Variants in CBLB observed in about 807,000 individuals in gnomAD.
CBLB encodes the protein E3 ubiquitin-protein ligase CBL-B.
Under a neutral mutation model 104.9 loss-of-function variants are expected in CBLB, and 31 were observed. That is an observed-to-expected ratio of 0.30 (90% CI 0.22 to 0.40). CBLB has a LOEUF of 0.40. Among genes scored for constraint, CBLB ranks in the 10% least tolerant of loss-of-function variants. The pLI, the probability that CBLB is intolerant of heterozygous loss-of-function variation, is 1.00. For missense variants in CBLB, 1,062 were observed against 1,214.6 expected (o/e 0.87, Z 1.87); for synonymous variants, 440 against 422.6 (o/e 1.04, Z -0.51).
At chr3:105,702,784 A>T (rs1272380370) in intron 11 of CBLB, among the ~76,000 whole-genome samples, 1 of 152,230 alleles carries the variant, frequency 6.6e-6, no homozygotes, top group East Asian at 1.9e-4. Context: ...AGAATATGTC[A>T]ATAATTTATT....
At chr3:105,751,170 T>A (rs377054650) in intron 5 of CBLB, among the ~76,000 whole-genome samples, 26 of 152,270 alleles carry the variant, frequency 1.7e-4, no homozygotes, top group African/African-American at 6.0e-4. Flanking sequence ...AGTAAGAAAC[T>A]AAGTAGAGAG....
intron 18 of CBLB, among the ~76,000 whole-genome samples, chr3:105,667,824 A>C (rs2064641567): frequency 6.6e-6 from 1 of 152,220 alleles, no homozygotes; most frequent in Non-Finnish European, 1.5e-5. Context: ...TGAATTCATA[A>C]GGCAGAGCAA....
At chr3:105,697,128 T>C (rs1397180564) in intron 12 of CBLB, among the ~76,000 whole-genome samples, 1 of 151,990 alleles carries the variant, frequency 6.6e-6, no homozygotes, top group African/African-American at 2.4e-5. Flanking sequence ...GCTTTATTCC[T>C]CTTTGTATTC....
At chr3:105,745,041 ACCAAATTCATCC>A (rs1330616129) in intron 6 of CBLB, among the ~76,000 whole-genome samples, 2 of 152,218 alleles carry the variant, frequency 1.3e-5, no homozygotes, top group African/African-American at 4.8e-5. Context: ...AAAAACCAGC[ACCAAATTCATCC>A]CTAAAATGGA....
chr3:105,679,174 A>G (rs2152721565), intron 16 of CBLB, among the ~76,000 whole-genome samples: 1 of 152,108 alleles, frequency 6.6e-6, no homozygotes, highest in East Asian at 1.9e-4. Context: ...TAGCTACAGA[A>G]GAACAGCTAA....
chr3:105,780,824 A>G (rs1202243957), intron 3 of CBLB, among the ~76,000 whole-genome samples: 1 of 151,688 alleles, frequency 6.6e-6, no homozygotes, highest in African/African-American at 2.4e-5. Flanking sequence ...CACCATGCCC[A>G]GCTAATTTTT....
At chr3:105,766,350 C>T (rs971179955) in intron 4 of CBLB, among the ~76,000 whole-genome samples, 6 of 152,164 alleles carry the variant, frequency 3.9e-5, no homozygotes, top group Non-Finnish European at 7.4e-5. Context: ...GTTGATAAAG[C>T]AGTGGCAGGG....
intron 4 of CBLB, among the ~76,000 whole-genome samples, chr3:105,769,115 A>C (rs1560159263): frequency 6.6e-6 from 1 of 152,046 alleles, no homozygotes; most frequent in Non-Finnish European, 1.5e-5. Context: ...GGAGTTTGAG[A>C]CCAGCCTGGC....
chr3:105,803,744 C>T (rs544215006), intron 3 of CBLB, among the ~76,000 whole-genome samples: 14 of 152,290 alleles, frequency 9.2e-5, no homozygotes, highest in Non-Finnish European at 1.8e-4. Flanking sequence ...AAGCCGGGTA[C>T]ACATTCTTAA....
At chr3:105,785,984 T>C (rs1373893519) in intron 3 of CBLB, among the ~76,000 whole-genome samples, 1 of 133,108 alleles carries the variant, frequency 7.5e-6, no homozygotes, top group Admixed American at 8.4e-5. Flanking sequence ...TGGTTGCCAG[T>C]GGGGCCCTTT....
chr3:105,863,802 G>A (rs1027312520), intron 2 of CBLB, among the ~76,000 whole-genome samples: 11 of 152,102 alleles, frequency 7.2e-5, no homozygotes, highest in Admixed American at 3.3e-4. Context: ...AATAAATGAC[G>A]AGGACAGCAA....
At chr3:105,763,389 C>T (rs2077866747) in intron 4 of CBLB, among the ~76,000 whole-genome samples, 1 of 152,200 alleles carries the variant, frequency 6.6e-6, no homozygotes, top group Non-Finnish European at 1.5e-5. Context: ...ACCCAAATTT[C>T]ATCTTGAATT....
chr3:105,797,647 A>G lies in CBLB; in HGVS notation c.420-21105T>C, dbSNP rs181796168. Among the ~76,000 whole-genome samples, 12 of 152,378 alleles carry G rather than the reference A, an allele frequency of 7.9e-5. No individual in the cohort carries two copies. The East Asian group carries it at 2.1e-3, about 27-fold the overall frequency. On this transcript the variant is annotated intron_variant, in intron 3 of 18. Transcript: ENST00000394030. ...AGAAAAATCTAACCACCAAGTTTAC[A>G]TAATAAATTCTGGACTTCAATAAAT...
chr3:105,663,398 C>G (rs941622929), intron 18 of CBLB, among the ~76,000 whole-genome samples: 2 of 152,130 alleles, frequency 1.3e-5, no homozygotes, highest in Admixed American at 6.6e-5. Context: ...GAGGAGGTAA[C>G]GATTGGTCAG....
chr3:105,786,546 C>T (rs1172360546), intron 3 of CBLB, among the ~76,000 whole-genome samples: 1 of 152,110 alleles, frequency 6.6e-6, no homozygotes, highest in Non-Finnish European at 1.5e-5. Context: ...TAGTCCTTCC[C>T]CCATAGTACA....
rs1374545384 is a variant in CBLB, at chr3:105,740,605, C to T, written c.872G>A (p.Arg291Gln). The T allele has an allele frequency of 3.7e-6, 6 of 1,613,790 alleles. No homozygotes were observed. The African/African-American group carries it at 4.0e-5, about 11-fold the overall frequency. Residue 291 changes from arginine to glutamine, a missense_variant, in exon 7 of 19, where the codon CGA (arginine) becomes CAA (glutamine). Physicochemically the swap from Arg to Gln is conservative, Grantham distance 43. Around this residue, in one of 2 missense-constraint regions of CBLB, gnomAD observed 457 missense variants for 632.0 expected, o/e 0.72. Coordinates refer to ENST00000394030, the MANE Select transcript of CBLB (RefSeq NM_170662.5). Reference sequence around the variant, plus strand: ...ATAGCCAATGGCCCACTGTCCCAATCGAGTGCAACTTAACCGGAAAATATA... The same window carrying T: ...ATAGCCAATGGCCCACTGTCCCAATTGAGTGCAACTTAACCGGAAAATATA... ...GSYIFRLSCT[R>Q]LGQWAIGYVT...
At chr3:105,853,764 TA>T in intron 2 of CBLB, 100 bp from the exon 3 acceptor site, 1 of 801,744 alleles carries the variant, frequency 1.2e-6, no homozygotes, top group Non-Finnish European at 2.0e-6. Context: ...TTTTCCATAA[TA>T]TAAATAATGA....
intron 3 of CBLB, among the ~76,000 whole-genome samples, chr3:105,831,580 G>C (rs1049558007): frequency 6.6e-6 from 1 of 152,242 alleles, no homozygotes; most frequent in Non-Finnish European, 1.5e-5. Context: ...AATGCTTCAA[G>C]AATGAGAACT....
At chr3:105,684,734 G>T (rs1559812338) in intron 14 of CBLB, among the ~76,000 whole-genome samples, 1 of 152,038 alleles carries the variant, frequency 6.6e-6, no homozygotes. Flanking sequence ...TGTATTTTTA[G>T]TAGAGACAGG....
Sources: gnomAD v4.1 joint callset for allele counts (sites outside exome capture counted in the v4.1 genomes callset) on GRCh38, gnomAD v4.1.1 for gene constraint, gnomAD v4.1.1 regional missense constraint, MANE v1.5 for transcripts, NCBI Gene and HGNC (gene_info 2026-07-23, HGNC 2026-07-21) for gene names.